TUT4: variants seen among roughly 807,000 people sequenced by gnomAD.
TUT4 encodes the protein terminal uridylyl transferase 4, also known as terminal uridylyltransferase 4.
TUT4 carries 36 observed loss-of-function variants against 192.2 expected under a neutral mutation model. That is an observed-to-expected ratio of 0.19 (90% CI 0.14 to 0.25). TUT4 has a LOEUF of 0.25. Among genes scored for constraint, TUT4 ranks in the 10% least tolerant of loss-of-function variants. The pLI is 1.00. For missense variants in TUT4, 1,493 were observed against 1,957.2 expected, an observed-to-expected ratio of 0.76 and a Z score of 4.47; for synonymous variants, 618 against 666.0, an observed-to-expected ratio of 0.93 and a Z score of 1.11.
chr1:52,481,331 G>T, intron 11 of TUT4, 92 bp downstream of exon 11: 1 of 1,356,574 alleles, frequency 7.4e-7, no homozygotes, highest in Non-Finnish European at 1.0e-6. Context: ...CTTGCTCAAG[G>T]TCAGTCAATC....
rs371757258 is a variant in TUT4 at position 52,483,674 on chromosome 1, G to A, written c.1516-1751C>T. Among the ~76,000 whole-genome samples, 16 of 152,256 alleles carry A rather than the reference G, an allele frequency of 1.1e-4. No homozygotes were observed. In the South Asian group the frequency reaches 2.7e-3, roughly 26 times the overall value. ...AAAATACAAAAATTAGCCAGGCACA[G>A]TGGCAGGCACCTTTAATCTCAGCTA... is the stretch of plus-strand genomic sequence containing the variant. On this transcript the variant is annotated intron_variant, in intron 9 of 29. Transcript: ENST00000257177.
intron 9 of TUT4, among the ~76,000 whole-genome samples, chr1:52,482,638 T>C (rs1668778039): frequency 6.6e-6 from 1 of 152,178 alleles, no homozygotes; most frequent in Non-Finnish European, 1.5e-5. Context: ...TTTACTTACG[T>C]TGCCCAGGCT....
chr1:52,469,877 C>T (rs919045488), intron 14 of TUT4, among the ~76,000 whole-genome samples: 2 of 127,438 alleles, frequency 1.6e-5, no homozygotes, highest in Admixed American at 1.9e-4. Flanking sequence ...GGCGACAGAG[C>T]GAGACTCAGT....
intron 15 of TUT4, among the ~76,000 whole-genome samples, 186 bp from the exon 16 acceptor site, chr1:52,465,359 C>G (rs768929933): frequency 6.6e-6 from 1 of 152,184 alleles, no homozygotes; most frequent in Non-Finnish European, 1.5e-5. Flanking sequence ...AGTTCCCATA[C>G]CCATGTACCC....
intron 29 of TUT4, chr1:52,424,733 T>C (rs1238644823): frequency 6.6e-6 from 1 of 152,246 alleles, no homozygotes; most frequent in African/African-American, 2.4e-5. Context: ...TTTAAGGTCA[T>C]TCAAGTCCTA....
In TUT4 at chr1:52,477,900, C is replaced by T; in HGVS notation, c.1849-18G>A. The T allele has an allele frequency of 6.4e-7, 1 of 1,571,512 alleles. No individual in the cohort carries two copies. ...AAAGGAGACTGGAAAAGAAAAAATA[C>T]TTTTCATTTAAGCTTAACAAAACCA... On this transcript the variant is annotated intron_variant, in intron 11 of 29. Coordinates refer to ENST00000257177, the MANE Select transcript of TUT4 (RefSeq NM_001009881.3).
chr1:52,479,045 G>A lies in TUT4; in HGVS notation c.1849-1163C>T, dbSNP rs114432159. On this transcript the variant is annotated intron_variant, in intron 11 of 29. Transcript: ENST00000257177. ...AAAGGATGGGAGTGTGGAAGCAGGA[G>A]AAGGTTACAGTGTTCAATAGAGTAG... is the stretch of plus-strand genomic sequence containing the variant. 3.5e-3 allele frequency among the ~76,000 whole-genome samples: 540 copies of A among 152,274 alleles called. 7 individuals carry two copies. The highest frequency in any genetic ancestry group is 0.034 in the South Asian group (163 of 4,828).
chr1:52,470,041 G>A (rs1665297906), intron 14 of TUT4, among the ~76,000 whole-genome samples: 1 of 152,080 alleles, frequency 6.6e-6, no homozygotes, highest in Non-Finnish European at 1.5e-5. Context: ...TAGTGTTCAG[G>A]TCTTGGTTTC....
chr1:52,490,334 T>C (rs1670842370), intron 8 of TUT4, among the ~76,000 whole-genome samples: 1 of 151,956 alleles, frequency 6.6e-6, no homozygotes, highest in African/African-American at 2.4e-5. Context: ...TTTTATTTTT[T>C]TTGTGGAGAC....
At chr1:52,463,757 T>C (rs1343502519) in intron 16 of TUT4, 4 of 1,304,032 alleles carry the variant, frequency 3.1e-6, no homozygotes, top group Non-Finnish European at 4.0e-6. Context: ...GCTTGGACAA[T>C]CTCCTTCCCA....
At chr1:52,501,605 G>A (rs1674097613) in intron 4 of TUT4, among the ~76,000 whole-genome samples, 2 of 152,020 alleles carry the variant, frequency 1.3e-5, no homozygotes, top group South Asian at 4.1e-4. Flanking sequence ...TTCCAATTCT[G>A]GGTATATACA....
At chr1:52,518,953 C>A (rs1478705483) in intron 2 of TUT4, among the ~76,000 whole-genome samples, 2 of 152,058 alleles carry the variant, frequency 1.3e-5, no homozygotes, top group East Asian at 3.8e-4. Flanking sequence ...ATGGTAAAAT[C>A]TTACATGTAT....
At chr1:52,478,803 T>C (rs1667746648) in intron 11 of TUT4, among the ~76,000 whole-genome samples, 1 of 152,176 alleles carries the variant, frequency 6.6e-6, no homozygotes. Context: ...GAAACAATCA[T>C]TCTCACATTC....
chr1:52,428,242 C>CT, intron 28 of TUT4, among the ~76,000 whole-genome samples: 1 of 152,308 alleles, frequency 6.6e-6, no homozygotes, highest in Non-Finnish European at 1.5e-5. Context: ...AAATCCAGCA[C>CT]TTTGGGAGGC....
In TUT4 at chr1:52,453,476, C is replaced by T. The variant is rs74764664; in HGVS notation, c.3435+4860G>A. ...TCAACAGGCTAAAGAAGAAAAGTCA[C>T]GATCAATAGATGCAGAAAAAGCATT... On this transcript the variant is annotated intron_variant, in intron 20 of 29. Transcript: ENST00000257177. 4.3e-3 allele frequency among the ~76,000 whole-genome samples: 647 copies of T among 150,728 alleles called. 4 individuals carry two copies. The East Asian group carries it at 0.054, about 13-fold the overall frequency.
At chr1:52,438,416 C>G in intron 24 of TUT4, 81 bp from the exon 25 acceptor site, 1 of 914,786 alleles carries the variant, frequency 1.1e-6, no homozygotes, top group Middle Eastern at 2.3e-4. Context: ...AAGATGCAAA[C>G]ATGGTTTATT....
At chr1:52,543,372 T>C (rs959575523) in intron 1 of TUT4, among the ~76,000 whole-genome samples, 6 of 151,694 alleles carry the variant, frequency 4.0e-5, no homozygotes, top group Admixed American at 6.6e-5. Context: ...AGGAATTACA[T>C]AACCAAAGAA....
chr1:52,477,192 A>G (rs889868112), intron 12 of TUT4, among the ~76,000 whole-genome samples: 2 of 152,194 alleles, frequency 1.3e-5, no homozygotes, highest in Admixed American at 1.3e-4. Flanking sequence ...AAAAAATGCT[A>G]ATTACTGACC....
chr1:52,471,941 G>C lies in TUT4; in HGVS notation c.2878+11C>G, dbSNP rs1665893838. On this transcript the variant is annotated intron_variant, in intron 14 of 29. Transcript: ENST00000257177. ...ATCTAGTCCCAATAGTTGTAGTAAT[G>C]AAAGACTTACCAAAACATCTTTTAC... 3.7e-6 allele frequency: 6 copies of C among 1,607,778 alleles called. No homozygotes were observed. Among genetic ancestry groups the C allele is most frequent in the Non-Finnish European group, 5.1e-6 (6 of 1,176,648 alleles).
Sources: allele counts gnomAD v4.1 joint callset (sites outside exome capture counted in the v4.1 genomes callset), GRCh38; gene constraint gnomAD v4.1.1; transcripts MANE v1.5; gene names NCBI Gene and HGNC (gene_info 2026-07-23, HGNC 2026-07-21).